HGF: variants seen among roughly 807,000 people sequenced by gnomAD.
The protein encoded by HGF is fibroblast-derived tumor cytotoxic factor.
HGF carries 39 observed loss-of-function variants against 111.6 expected under a neutral mutation model. The ratio of observed to expected loss-of-function variants is 0.35; its 90% confidence interval spans 0.27 to 0.46. The LOEUF is 0.46. HGF is among the 20% of genes least tolerant of loss of function. The probability of loss-of-function intolerance (pLI) is 1.00; values close to 1 mark genes in which losing one functional copy is unlikely to be tolerated. For synonymous variants in HGF, 285 were observed against 294.8 expected (o/e 0.97, Z 0.34); for missense variants, 735 against 910.5 (o/e 0.81, Z 2.48).
At chr7:81,703,702 A>G (rs1292512057) in intron 17 of HGF, among the ~76,000 whole-genome samples, 2 of 151,742 alleles carry the variant, frequency 1.3e-5, no homozygotes, top group East Asian at 1.9e-4. Flanking sequence ...GGCTTTTGGT[A>G]TCTTTATATG....
At position 81,705,499 on chromosome 7, in the gene HGF, A is replaced by C; in HGVS notation, c.1901T>G (p.Leu634Arg). Reference protein sequence around the residue: ...NYDGLLRVAHLYIMGNEKCSQ... With the variant: ...NYDGLLRVAHRYIMGNEKCSQ... ...GCATTTCTCATTTCCCATTATATAG[A>C]GATGTGCCACTCGTAATAGGCCATC... The change falls in exon 17 of 18, where the codon CTC (leucine) becomes CGC (arginine). Residue 634 changes from leucine (L) to arginine (R), a missense_variant. By Grantham distance (102) the Leu-to-Arg change is moderately radical (BLOSUM62 -2). Coordinates refer to ENST00000222390, the MANE Select transcript of HGF (RefSeq NM_000601.6). 8 of 1,612,740 alleles carry C rather than the reference A, an allele frequency of 5.0e-6. No homozygotes were observed. Among genetic ancestry groups the C allele is most frequent in the Non-Finnish European group, 6.8e-6 (8 of 1,179,116 alleles).
In HGF at chr7:81,701,172, T is replaced by C. The variant is rs1310921317; in HGVS notation, c.*1409A>G. ...TTGGCTGTTATACAGAACACAAAAT[T>C]TAAATGTCTGTTACATATGGCATTA... On this transcript the variant is annotated 3_prime_UTR_variant, in exon 18 of 18. Coordinates refer to ENST00000222390, the MANE Select transcript of HGF (RefSeq NM_000601.6). 1 of 151,504 alleles carries C rather than the reference T, an allele frequency of 6.6e-6. No individual in the cohort carries two copies. Among genetic ancestry groups the C allele is most frequent in the Non-Finnish European group, 1.5e-5 (1 of 67,628 alleles). 9.4% of individuals were successfully genotyped at this position (151,504 alleles called of 1,614,324 possible).
At chr7:81,754,403 T>G (rs1194467958) in intron 4 of HGF, among the ~76,000 whole-genome samples, 1 of 151,948 alleles carries the variant, frequency 6.6e-6, no homozygotes, top group Non-Finnish European at 1.5e-5. Flanking sequence ...GATACACCCA[T>G]ATACCTTTCC....
chr7:81,747,803 C>T (rs1038079507), intron 5 of HGF, among the ~76,000 whole-genome samples: 2 of 151,808 alleles, frequency 1.3e-5, no homozygotes, highest in African/African-American at 2.4e-5. Flanking sequence ...TCTGGTGGTG[C>T]GTGCCTGTAG....
chr7:81,705,723 C>T lies in HGF; in HGVS notation c.1788G>A (p.Thr596=), dbSNP rs766493585. Residue 596 remains threonine, a synonymous_variant, in exon 16 of 18, where the codon ACG becomes ACA. Coordinates refer to ENST00000222390, the MANE Select transcript of HGF (RefSeq NM_000601.6). ...TGCATCCATAATTAGGTAAATCAAT[C>T]GTACTAACAAAATCATCCAGGACAG... is the stretch of plus-strand genomic sequence containing the variant. ...RPAVLDDFVS[T]IDLPNYGCTI... The T allele has an allele frequency of 2.0e-5, 33 of 1,611,484 alleles. No homozygotes were observed. Among genetic ancestry groups the T allele is most frequent in the Middle Eastern group, 1.6e-4 (1 of 6,070 alleles).
chr7:81,729,591 C>T lies in HGF; in HGVS notation c.1040+14G>A. 6.3e-7 allele frequency: 1 copy of T among 1,599,050 alleles called. No individual in the cohort carries two copies. Among genetic ancestry groups the T allele is most frequent in the South Asian group, 1.1e-5 (1 of 90,802 alleles). ...GGCCTACTGAAATGTATAACATTTGCCTACTTTACTCACTTGCACTTGAAA... is the reference window on the plus strand; with the variant it reads ...GGCCTACTGAAATGTATAACATTTGTCTACTTTACTCACTTGCACTTGAAA... On this transcript the variant is annotated intron_variant, in intron 8 of 17. Transcript: ENST00000222390.
At position 81,701,715 on chromosome 7, in the gene HGF, C is replaced by T. The variant is rs1562868243; in HGVS notation, c.*866G>A. 6.6e-6 allele frequency: 1 copy of T among 151,562 alleles called. No homozygotes were observed. The highest frequency in any genetic ancestry group is 1.5e-5 in the Non-Finnish European group (1 of 67,648). 9.4% of individuals were successfully genotyped at this position (151,562 alleles called of 1,614,324 possible). ...ATTACACAAATAGAACTATTACCCTCTTTCCTTTAAGAATTAGAAACTACA... is the reference window on the plus strand; with the variant it reads ...ATTACACAAATAGAACTATTACCCTTTTTCCTTTAAGAATTAGAAACTACA... On this transcript the variant is annotated 3_prime_UTR_variant, in exon 18 of 18. Transcript: ENST00000222390.
intron 7 of HGF, chr7:81,736,619 G>T: frequency 2.4e-6 from 1 of 421,480 alleles, no homozygotes; most frequent in South Asian, 1.8e-5. Context: ...TGAATGAGTA[G>T]CTGCCAACTA....
At chr7:81,714,266 TAAG>T (rs974390992) in intron 11 of HGF, among the ~76,000 whole-genome samples, 25 of 152,100 alleles carry the variant, frequency 1.6e-4, no homozygotes, top group Admixed American at 3.3e-4. Flanking sequence ...TATTTAAAAT[TAAG>T]AAGAAGTGTT....
intron 8 of HGF, among the ~76,000 whole-genome samples, chr7:81,727,693 C>G (rs1184386148): frequency 1.3e-5 from 2 of 152,012 alleles, no homozygotes; most frequent in Non-Finnish European, 2.9e-5. Flanking sequence ...CCTTTGTTGC[C>G]CAGGCTGGTC....
chr7:81,704,535 T>C (rs1031974393), intron 17 of HGF, among the ~76,000 whole-genome samples: 1 of 151,790 alleles, frequency 6.6e-6, no homozygotes, highest in African/African-American at 2.4e-5. Flanking sequence ...TTTTAAGCAG[T>C]TCTAAAAACT....
At chr7:81,721,895 A>T (rs909857994) in intron 9 of HGF, among the ~76,000 whole-genome samples, 1 of 152,232 alleles carries the variant, frequency 6.6e-6, no homozygotes, top group Non-Finnish European at 1.5e-5. Flanking sequence ...TAGCTTAGGC[A>T]TACGTTAATG....
At chr7:81,710,974 A>G (rs545241804) in intron 12 of HGF, among the ~76,000 whole-genome samples, 60 of 152,170 alleles carry the variant, frequency 3.9e-4, no homozygotes, top group Admixed American at 9.8e-4. Context: ...TGAAAATAAA[A>G]TACAAGTGGC....
At chr7:81,750,826 T>TA in intron 5 of HGF, 1 of 394,032 alleles carries the variant, frequency 2.5e-6, no homozygotes, top group Non-Finnish European at 3.4e-6. Context: ...GGGTTTTTTT[T>TA]CTTCCATGTG....
chr7:81,764,308 A>G (rs1789246770), intron 1 of HGF, among the ~76,000 whole-genome samples: 1 of 152,138 alleles, frequency 6.6e-6, no homozygotes, highest in Non-Finnish European at 1.5e-5. Context: ...GAGGTCCTCT[A>G]AATTTCTGAA....
In HGF at chr7:81,710,031, A is replaced by T. The variant is rs5745739; in HGVS notation, c.1541+116T>A. 2,348 of 744,062 alleles carry T rather than the reference A, an allele frequency of 3.2e-3. 61 individuals are homozygous for T. In the East Asian group the frequency reaches 0.058, roughly 18 times the overall value. 46.1% of individuals were successfully genotyped at this position (744,062 alleles called of 1,614,324 possible). ...GATCAGCTTCCTCTTTTACTGCCTC[A>T]CCCAGGTGCCCTGTGGAGGGTACAA... is the stretch of plus-strand genomic sequence containing the variant. On this transcript the variant is annotated intron_variant, in intron 13 of 17. Transcript: ENST00000222390.
chr7:81,749,751 C>A (rs115915027), intron 5 of HGF, among the ~76,000 whole-genome samples: 1,765 of 152,032 alleles, frequency 0.012, 32 homozygotes, highest in African/African-American at 0.038. Flanking sequence ...ACTATATTTT[C>A]AAGTTTTAAA....
At chr7:81,733,964 A>G (rs2115954760) in intron 7 of HGF, among the ~76,000 whole-genome samples, 1 of 152,270 alleles carries the variant, frequency 6.6e-6, no homozygotes, top group South Asian at 2.1e-4. Flanking sequence ...AATTGATTTG[A>G]AGAGGGCTAT....
At chr7:81,766,533 T>C (rs1220524973) in intron 1 of HGF, among the ~76,000 whole-genome samples, 1 of 152,144 alleles carries the variant, frequency 6.6e-6, no homozygotes, top group Non-Finnish European at 1.5e-5. Flanking sequence ...AAGGCAACAA[T>C]ATCACAAATA....
Sources: allele counts gnomAD v4.1 joint callset (sites outside exome capture counted in the v4.1 genomes callset), GRCh38; gene constraint gnomAD v4.1.1; transcripts MANE v1.5; gene names NCBI Gene and HGNC (gene_info 2026-07-23, HGNC 2026-07-21).